The following TENM2 variants were observed in gnomAD, a reference collection of about 807,000 sequenced individuals.
TENM2 encodes teneurin-2.
A neutral mutation model predicts 245.2 loss-of-function variants in TENM2; 52 were observed. That is an observed-to-expected ratio of 0.21 (90% CI 0.17 to 0.27). The LOEUF is 0.27. TENM2 is among the 10% of genes least tolerant of loss of function. The probability of loss-of-function intolerance (pLI) is 1.00; values close to 1 mark genes in which losing one functional copy is unlikely to be tolerated. For missense variants in TENM2, 3,046 were observed against 3,666.8 expected (o/e 0.83, Z 4.37); for synonymous variants, 1,363 against 1,438.9 (o/e 0.95, Z 1.19).
In TENM2 at chr5:167,757,884, A is replaced by G. The variant is rs28653102; in HGVS notation, c.503-118102A>G. Among the ~76,000 whole-genome samples the G allele has an allele frequency of 7.2e-3, 1,096 of 152,270 alleles. 12 individuals are homozygous for G. Among genetic ancestry groups the G allele is most frequent in the African/African-American group, 0.025 (1,044 of 41,546 alleles). ...TCAGAAAGAGAACAAGGGGTTTCAC[A>G]TTAGAAGAATTCTTTGTTGGAACAA... On this transcript the variant is annotated intron_variant, in intron 2 of 28. Transcript: ENST00000518659.
intron 27 of TENM2, 90 bp downstream of exon 29, chr5:168,248,461 G>A (rs904944379): frequency 2.2e-6 from 3 of 1,335,194 alleles, no homozygotes; most frequent in East Asian, 2.4e-5. Flanking sequence ...CCCATCTTAT[G>A]GTAGGAGAAG....
chr5:167,040,293 G>A, the TENM2 span, among the ~76,000 whole-genome samples: 10 of 152,036 alleles, frequency 6.6e-5, no homozygotes, highest in Admixed American at 2.6e-4. Context: ...TTGTTGTCCC[G>A]GAAGAAGCAA....
intron 25 of TENM2, chr5:168,241,087 A>G (rs866710151): frequency 6.6e-6 from 1 of 151,548 alleles, no homozygotes; most frequent in Admixed American, 6.6e-5. Flanking sequence ...ACCTGTTTTT[A>G]AAAAAATAAA....
the TENM2 span, among the ~76,000 whole-genome samples, chr5:167,115,472 C>T: frequency 6.6e-6 from 1 of 152,166 alleles, no homozygotes; most frequent in African/African-American, 2.4e-5. Context: ...CATTTATTCT[C>T]AGCCAAACAC....
At chr5:167,352,085 C>A (rs1335053918) in intron 1 of TENM2, among the ~76,000 whole-genome samples, 2 of 152,074 alleles carry the variant, frequency 1.3e-5, no homozygotes, top group Non-Finnish European at 2.9e-5. Context: ...TTTTTGCTAT[C>A]ATTTATCAAT....
At chr5:168,169,959 GGAGGAAAACTTGGCCTT>G (rs1758652443) in intron 13 of TENM2, among the ~76,000 whole-genome samples, 1 of 152,208 alleles carries the variant, frequency 6.6e-6, no homozygotes, top group African/African-American at 2.4e-5. Context: ...CTAATGCTTA[GGAGGAAAACTTGGCCTT>G]GAGGACACTG....
chr5:167,819,169 T>G (rs1330739845), intron 2 of TENM2, among the ~76,000 whole-genome samples: 2 of 152,108 alleles, frequency 1.3e-5, no homozygotes, highest in Admixed American at 1.3e-4. Context: ...CAATTCCCAT[T>G]GCTTTTCTAA....
intron 1 of TENM2, among the ~76,000 whole-genome samples, chr5:167,312,045 A>G (rs1288782632): frequency 6.6e-6 from 1 of 152,176 alleles, no homozygotes; most frequent in African/African-American, 2.4e-5. Flanking sequence ...ACATCCTAGG[A>G]AATCTGGAGT....
chr5:167,526,391 C>CACACAG (rs1259650410), intron 2 of TENM2, among the ~76,000 whole-genome samples: 1 of 151,372 alleles, frequency 6.6e-6, no homozygotes, highest in Non-Finnish European at 1.5e-5. Flanking sequence ...CACACACACA[C>CACACAG]ACAGAAAAGA....
At chr5:167,125,622 T>C in the TENM2 span, among the ~76,000 whole-genome samples, 1 of 152,230 alleles carries the variant, frequency 6.6e-6, no homozygotes. Flanking sequence ...CTTTTGCTGA[T>C]ATATATTCTA....
intron 5 of TENM2, among the ~76,000 whole-genome samples, chr5:168,036,505 G>A (rs899728220): frequency 6.6e-6 from 1 of 151,592 alleles, no homozygotes; most frequent in Non-Finnish European, 1.5e-5. Context: ...GCATGGTGGT[G>A]GGTGCCTGTA....
upstream of TENM2, among the ~76,000 whole-genome samples, chr5:167,281,475 G>A (rs1231044626): frequency 4.6e-5 from 7 of 151,992 alleles, no homozygotes; most frequent in South Asian, 2.1e-4. Context: ...CCAACAGTCC[G>A]TGAGCTTTGC....
chr5:168,238,258 A>AGAAAAGAAAGGAAAG (rs1562321153), intron 25 of TENM2, among the ~76,000 whole-genome samples: 2 of 145,604 alleles, frequency 1.4e-5, no homozygotes, highest in African/African-American at 5.4e-5. Flanking sequence ...AGAAAAGAAA[A>AGAAAAGAAAGGAAAG]GAAAAGAAAA....
the TENM2 span, among the ~76,000 whole-genome samples, chr5:167,062,260 A>G: frequency 2.0e-5 from 3 of 152,120 alleles, no homozygotes; most frequent in Non-Finnish European, 2.9e-5. Flanking sequence ...TAATAGTTGA[A>G]TATCGCTTGG....
chr5:167,732,694 T>A (rs1196221257), intron 2 of TENM2, among the ~76,000 whole-genome samples: 1 of 152,148 alleles, frequency 6.6e-6, no homozygotes, highest in African/African-American at 2.4e-5. Context: ...CACGGATGAT[T>A]TTCTGACAGA....
intron 2 of TENM2, among the ~76,000 whole-genome samples, chr5:167,481,629 G>T (rs752120771): frequency 3.0e-4 from 46 of 152,094 alleles, no homozygotes; most frequent in Non-Finnish European, 4.9e-4. Context: ...GTACCTGTGT[G>T]AACAGCCATT....
intron 5 of TENM2, among the ~76,000 whole-genome samples, chr5:168,001,013 G>T (rs2152040310): frequency 6.6e-6 from 1 of 151,090 alleles, no homozygotes; most frequent in South Asian, 2.1e-4. Context: ...ATAGTGACCT[G>T]CACTGCCCAG....
chr5:167,103,832 C>T, the TENM2 span, among the ~76,000 whole-genome samples: 1 of 151,586 alleles, frequency 6.6e-6, no homozygotes, highest in African/African-American at 2.4e-5. Context: ...ATCCTTCACA[C>T]AATAGCAATA....
chr5:167,748,098 G>A (rs949088082), intron 2 of TENM2, among the ~76,000 whole-genome samples: 3 of 152,120 alleles, frequency 2.0e-5, no homozygotes, highest in African/African-American at 7.2e-5. Context: ...ACTTTCTACT[G>A]AAGAATTAGT....
Sources: allele counts gnomAD v4.1 joint callset (sites outside exome capture counted in the v4.1 genomes callset), GRCh38; gene constraint gnomAD v4.1.1; transcripts MANE v1.5; gene names NCBI Gene and HGNC (gene_info 2026-07-23, HGNC 2026-07-21).